SPEF2: variants seen among roughly 807,000 people sequenced by gnomAD.
SPEF2 encodes the protein sperm flagellar and cilia associated 2.
In SPEF2, 187 loss-of-function variants were observed where a neutral mutation model predicts 224.6. The ratio of observed to expected loss-of-function variants is 0.83; its 90% CI spans 0.74 to 0.94. SPEF2 has a LOEUF of 0.94. SPEF2 is among the 40% of genes least tolerant of loss of function. SPEF2 has a pLI of 0.00. For missense variants in SPEF2, 2,170 were observed against 2,135.6 expected (o/e 1.02, Z -0.32); for synonymous variants, 715 against 707.3 (o/e 1.01, Z -0.17).
chr5:35,789,332 A>G (rs1378494388), intron 30 of SPEF2: 5 of 703,370 alleles, frequency 7.1e-6, no homozygotes, highest in Admixed American at 6.0e-5. Context: ...CATATTTGCC[A>G]CTTTAGAGTC....
intron 23 of SPEF2, among the ~76,000 whole-genome samples, chr5:35,741,219 A>G (rs564355000): frequency 6.6e-6 from 1 of 152,334 alleles, no homozygotes; most frequent in African/African-American, 2.4e-5. Flanking sequence ...CTATGTAGAG[A>G]GCAAGAAAGC....
chr5:35,679,969 G>T (rs1401718143), intron 10 of SPEF2, among the ~76,000 whole-genome samples: 2 of 152,104 alleles, frequency 1.3e-5, no homozygotes, highest in Non-Finnish European at 2.9e-5. Context: ...TTCCCTAAAT[G>T]ATGTTACCCA....
intron 36 of SPEF2, chr5:35,807,761 C>T: frequency 6.5e-7 from 1 of 1,535,896 alleles, no homozygotes; most frequent in Non-Finnish European, 8.7e-7. Flanking sequence ...TGGACAAACC[C>T]AGCAGAAGAA....
intron 4 of SPEF2, among the ~76,000 whole-genome samples, chr5:35,644,869 A>C (rs146726519): frequency 5.9e-4 from 90 of 152,312 alleles, no homozygotes; most frequent in African/African-American, 2.1e-3. Flanking sequence ...GCACATGACC[A>C]TTGTCACCAC....
intron 33 of SPEF2, among the ~76,000 whole-genome samples, chr5:35,799,581 C>T (rs1041433933): frequency 3.9e-5 from 6 of 151,986 alleles, no homozygotes; most frequent in African/African-American, 7.2e-5. Flanking sequence ...CCACAGAGAC[C>T]GATGGAACAG....
rs762261082 is a variant in SPEF2 at position 35,727,797 on chromosome 5, G to A, written c.3037G>A (p.Val1013Ile). 6.2e-7 allele frequency: 1 copy of A among 1,613,614 alleles called. No homozygotes were observed. The highest frequency in any genetic ancestry group is 8.5e-7 in the Non-Finnish European group (1 of 1,179,808). ...QPPKPGSEEW[V>I]YVNEPVPEEM... ...ACCTAAGCCAGGATCAGAAGAATGG[G>A]TCTATGTGAATGAACCAGTTCCTGA... Residue 1013 changes from valine (V) to isoleucine (I), a missense_variant, in exon 21 of 37, where the codon GTC becomes ATC. Coordinates refer to ENST00000356031, the MANE Select transcript of SPEF2 (RefSeq NM_024867.4).
chr5:35,790,720 A>G (rs1755831016), intron 30 of SPEF2: 1 of 168,440 alleles, frequency 5.9e-6, no homozygotes, highest in South Asian at 2.0e-4. Context: ...TAGGCCTGGC[A>G]TACAATTCAT....
chr5:35,813,961 G>A (rs1472945876), intron 36 of SPEF2, among the ~76,000 whole-genome samples: 3 of 152,170 alleles, frequency 2.0e-5, no homozygotes, highest in East Asian at 1.9e-4. Flanking sequence ...TAAGATAGCT[G>A]TATAGCAAAT....
In SPEF2 at chr5:35,771,753, A is replaced by C; in HGVS notation, c.3946A>C (p.Lys1316Gln). The change falls in exon 27 of 37, where the codon AAA becomes CAA. Residue 1316 changes from lysine (K) to glutamine (Q), a missense_variant. Transcript: ENST00000356031. ...PKKKQEDKKP[K>Q]GKSPPMAEAT... ...GAAAAAACAGGAAGACAAAAAACCCAAAGGTATTTATGGTTTTAGCACTCA... is the reference window on the plus strand; with the variant it reads ...GAAAAAACAGGAAGACAAAAAACCCCAAGGTATTTATGGTTTTAGCACTCA... 1 of 1,588,180 alleles carries C rather than the reference A, an allele frequency of 6.3e-7. No homozygotes were observed. Among genetic ancestry groups the C allele is most frequent in the Non-Finnish European group, 8.5e-7 (1 of 1,173,644 alleles).
intron 10 of SPEF2, among the ~76,000 whole-genome samples, chr5:35,685,222 T>TGTATTTA (rs1753420929): frequency 3.3e-5 from 5 of 152,164 alleles, no homozygotes; most frequent in Non-Finnish European, 5.9e-5. Flanking sequence ...CTAAAATTTA[T>TGTATTTA]GTATAACTAC....
chr5:35,679,467 A>G (rs994438415), intron 10 of SPEF2, among the ~76,000 whole-genome samples: 4 of 152,188 alleles, frequency 2.6e-5, no homozygotes, highest in African/African-American at 9.7e-5. Context: ...CAGGACACAC[A>G]TTAAAGGCTT....
chr5:35,654,721 C>A lies in SPEF2; in HGVS notation c.973C>A (p.Gln325Lys), dbSNP rs1250672480. 1.2e-6 allele frequency: 2 copies of A among 1,604,676 alleles called. No individual in the cohort carries two copies. The highest frequency in any genetic ancestry group is 2.7e-5 in the African/African-American group (2 of 74,072). Residue 325 changes from glutamine to lysine, a missense_variant, in exon 7 of 37, where the codon CAA (glutamine) becomes AAA (lysine). Transcript: ENST00000356031. ...GGACCAGTTAATAGCCCACGAAGCA[C>A]AAGAGGTAAGATATTTAGATGAAGG... ...LMDQLIAHEA[Q>K]EEAYREEQLI...
intron 36 of SPEF2, among the ~76,000 whole-genome samples, chr5:35,811,760 G>A (rs1040151691): frequency 1.1e-4 from 15 of 142,158 alleles, no homozygotes; most frequent in African/African-American, 4.2e-4. Context: ...TGCAGTTTTT[G>A]CCATTACTTT....
chr5:35,702,172 G>A (rs1738771587), intron 16 of SPEF2: 1 of 456,202 alleles, frequency 2.2e-6, no homozygotes, highest in Admixed American at 2.3e-5. Flanking sequence ...ATCCTGGGCT[G>A]AGTGGGAGCC....
chr5:35,737,660 G>A (rs1746851286), intron 21 of SPEF2, among the ~76,000 whole-genome samples: 1 of 152,100 alleles, frequency 6.6e-6, no homozygotes, highest in African/African-American at 2.4e-5. Flanking sequence ...TGTGAATAGT[G>A]CCGCAATAAA....
intron 26 of SPEF2, among the ~76,000 whole-genome samples, chr5:35,770,811 A>G (rs1752728451): frequency 6.6e-6 from 1 of 152,180 alleles, no homozygotes; most frequent in Non-Finnish European, 1.5e-5. Context: ...AGGTGACAGA[A>G]CAACTAATCT....
intron 21 of SPEF2, among the ~76,000 whole-genome samples, chr5:35,734,361 G>A (rs1163341952): frequency 7.5e-6 from 1 of 132,614 alleles, no homozygotes; most frequent in Non-Finnish European, 1.7e-5. Flanking sequence ...AATCAGTGGT[G>A]TCCAATCTTT....
chr5:35,782,858 C>CAAAAAACA (rs1318787780), intron 30 of SPEF2, among the ~76,000 whole-genome samples: 1 of 152,124 alleles, frequency 6.6e-6, no homozygotes, highest in African/African-American at 2.4e-5. Flanking sequence ...ATGATTCTAC[C>CAAAAAACA]TCTCTTTTGG....
chr5:35,690,899 C>T lies in SPEF2; in HGVS notation c.1525-138C>T, dbSNP rs891189558. 11 of 602,278 alleles carry T rather than the reference C, an allele frequency of 1.8e-5. No individual in the cohort carries two copies. The African/African-American group carries it at 2.1e-4, about 11-fold the overall frequency. 37.3% of individuals were successfully genotyped at this position (602,278 alleles called of 1,614,324 possible). A position where few individuals can be genotyped will look rare whatever the true frequency, so the allele number is the denominator to read the frequency against. ...TATGAAACTATTATTAATGTTATTA[C>T]TCTTTTTATAATATAATTAAAGTAT... On this transcript the variant is annotated intron_variant, in intron 10 of 36. Transcript: ENST00000356031.
Sources: gnomAD v4.1 joint callset for allele counts (sites outside exome capture counted in the v4.1 genomes callset) on GRCh38, gnomAD v4.1.1 for gene constraint, MANE v1.5 for transcripts, NCBI Gene and HGNC (gene_info 2026-07-23, HGNC 2026-07-21) for gene names.